BNC2: variants seen among roughly 807,000 people sequenced by gnomAD.
The protein encoded by BNC2 is zinc finger protein basonuclin-2.
A neutral mutation model predicts 76.3 loss-of-function variants in BNC2; 20 were observed. That is an observed-to-expected ratio of 0.26 (90% CI 0.18 to 0.38). BNC2 has a LOEUF of 0.38. Among genes scored for constraint, BNC2 ranks in the 10% least tolerant of loss-of-function variants. The probability of loss-of-function intolerance (pLI) is 1.00; values close to 1 mark genes in which losing one functional copy is unlikely to be tolerated. For synonymous variants in BNC2, 582 were observed against 514.8 expected (o/e 1.13, Z -1.77); for missense variants, 1,382 against 1,399.8 (o/e 0.99, Z 0.20).
intron 3 of BNC2, among the ~76,000 whole-genome samples, chr9:16,626,798 G>A (rs2133668897): frequency 6.6e-6 from 1 of 152,198 alleles, no homozygotes; most frequent in African/African-American, 2.4e-5. Context: ...GGGTATTGAA[G>A]TATGCAGTGC....
intron 3 of BNC2, among the ~76,000 whole-genome samples, chr9:16,711,638 CATTTT>C (rs1220725575): frequency 6.6e-6 from 1 of 152,136 alleles, no homozygotes. Context: ...TTTCCTAACT[CATTTT>C]GTTTTGTTTC....
At chr9:16,658,584 C>T (rs183418334) in intron 3 of BNC2, among the ~76,000 whole-genome samples, 2 of 152,234 alleles carry the variant, frequency 1.3e-5, no homozygotes, top group South Asian at 4.2e-4. Context: ...GGGAACAGTT[C>T]CAATGTCAAA....
chr9:16,613,535 C>G (rs1820611612), intron 3 of BNC2, among the ~76,000 whole-genome samples: 1 of 152,150 alleles, frequency 6.6e-6, no homozygotes, highest in African/African-American at 2.4e-5. Flanking sequence ...ATAACAAACG[C>G]CAACACCTGT....
intron 3 of BNC2, among the ~76,000 whole-genome samples, chr9:16,647,584 G>A (rs550243055): frequency 6.6e-6 from 1 of 152,192 alleles, no homozygotes; most frequent in East Asian, 1.9e-4. Context: ...AGATGACAAT[G>A]ACTTTATGAA....
intron 1 of BNC2, among the ~76,000 whole-genome samples, chr9:16,768,229 G>A (rs1825746457): frequency 6.6e-6 from 1 of 152,064 alleles, no homozygotes; most frequent in South Asian, 2.1e-4. Flanking sequence ...GCGTCCCAAA[G>A]TGCTAGGATT....
chr9:16,592,323 G>C (rs907052332), intron 3 of BNC2, among the ~76,000 whole-genome samples: 1 of 151,928 alleles, frequency 6.6e-6, no homozygotes, highest in African/African-American at 2.4e-5. Flanking sequence ...ACAAAATTCA[G>C]TATATTAATA....
intron 1 of BNC2, among the ~76,000 whole-genome samples, chr9:16,817,648 C>G (rs1325955139): frequency 6.6e-6 from 1 of 152,164 alleles, no homozygotes; most frequent in Non-Finnish European, 1.5e-5. Flanking sequence ...TCATTCCTCT[C>G]CCTTGCCAGA....
intron 5 of BNC2, among the ~76,000 whole-genome samples, chr9:16,439,467 C>T (rs922102073): frequency 3.3e-5 from 5 of 152,164 alleles, no homozygotes; most frequent in African/African-American, 9.7e-5. Flanking sequence ...AAATTAGCAA[C>T]ATTTGAATAA....
intron 1 of BNC2, among the ~76,000 whole-genome samples, chr9:16,764,885 G>T (rs1356457138): frequency 1.3e-5 from 2 of 151,320 alleles, no homozygotes; most frequent in East Asian, 1.9e-4. Flanking sequence ...AAATAAATGA[G>T]AGGGAGGGAA....
chr9:16,637,396 T>G (rs542858283), intron 3 of BNC2, among the ~76,000 whole-genome samples: 11 of 152,182 alleles, frequency 7.2e-5, no homozygotes, highest in Non-Finnish European at 1.6e-4. Context: ...CAGTTCAAGT[T>G]GTGATGTTCA....
chr9:16,533,628 C>T (rs1818047668), intron 5 of BNC2, among the ~76,000 whole-genome samples: 4 of 152,002 alleles, frequency 2.6e-5, no homozygotes, highest in Admixed American at 2.6e-4. Flanking sequence ...GAAGAAAAAT[C>T]TGCCTATTTG....
intron 3 of BNC2, chr9:16,727,536 C>T: frequency 2.0e-6 from 1 of 491,946 alleles, no homozygotes; most frequent in Non-Finnish European, 3.6e-6. Context: ...CCAGATTGTA[C>T]TGTGAAACTT....
rs570634442 is a variant in BNC2 at position 16,628,633 on chromosome 9, AG to A, written c.331-45549del. 1.6e-3 allele frequency among the ~76,000 whole-genome samples: 242 copies of A among 152,330 alleles called. 1 individual carries two copies. The highest frequency in any genetic ancestry group is 5.8e-3 in the African/African-American group (240 of 41,578). On this transcript the variant is annotated intron_variant, in intron 3 of 6. Coordinates refer to ENST00000380672, the MANE Select transcript of BNC2 (RefSeq NM_017637.6). ...TGCGAACACACACAAACACACACGC[AG>A]AGCAATTCGCAGATTATCAACTCAT...
At chr9:16,476,754 G>C (rs1356155632) in intron 5 of BNC2, among the ~76,000 whole-genome samples, 1 of 152,098 alleles carries the variant, frequency 6.6e-6, no homozygotes, top group Non-Finnish European at 1.5e-5. Flanking sequence ...AATCTACTGT[G>C]ATCCAATGGT....
chr9:16,478,690 T>TGGTCGCC (rs1175749952), intron 5 of BNC2, among the ~76,000 whole-genome samples: 556 of 126,194 alleles, frequency 4.4e-3, no homozygotes, highest in East Asian at 9.6e-3. Context: ...GATCACAGAA[T>TGGTCGCC]GTACAGATGC....
intron 3 of BNC2, among the ~76,000 whole-genome samples, chr9:16,634,565 A>G (rs867477174): frequency 2.3e-4 from 34 of 148,046 alleles, no homozygotes; most frequent in African/African-American, 8.3e-4. Context: ...GCAGTGGCGC[A>G]ATCTCTGCTC....
chr9:16,437,383 C>T lies in BNC2; in HGVS notation c.811G>A (p.Val271Met), dbSNP rs770455492. ...MAIQEKEGQA[V>M]AVPSSKTDSD... ...TCTGTCTTTGAAGATGGTACAGCCACGGCCTGCCCTTCTTTCTCCTGAATT... is the reference window on the plus strand; with the variant it reads ...TCTGTCTTTGAAGATGGTACAGCCATGGCCTGCCCTTCTTTCTCCTGAATT... The change falls in exon 6 of 7, where the codon GTG becomes ATG. Residue 271 changes from valine to methionine, a missense_variant. Coordinates refer to ENST00000380672, the MANE Select transcript of BNC2 (RefSeq NM_017637.6). The T allele has an allele frequency of 9.9e-6, 16 of 1,612,306 alleles. No homozygotes were observed. The Middle Eastern group carries it at 5.0e-4, about 50-fold the overall frequency.
chr9:16,868,927 G>A (rs965075578), intron 1 of BNC2, among the ~76,000 whole-genome samples: 5 of 152,226 alleles, frequency 3.3e-5, no homozygotes, highest in Admixed American at 2.0e-4. Flanking sequence ...TTTAAAGCAT[G>A]TATGCGTGTG....
chr9:16,607,424 G>A (rs930530440), intron 3 of BNC2, among the ~76,000 whole-genome samples: 2 of 152,136 alleles, frequency 1.3e-5, no homozygotes, highest in Non-Finnish European at 2.9e-5. Context: ...AAACTTGGCT[G>A]TAACAATTCA....
Sources: allele counts gnomAD v4.1 joint callset (sites outside exome capture counted in the v4.1 genomes callset), GRCh38; gene constraint gnomAD v4.1.1; transcripts MANE v1.5; gene names NCBI Gene and HGNC (gene_info 2026-07-23, HGNC 2026-07-21).